CBLB: variants seen among roughly 807,000 people sequenced by gnomAD.
The protein encoded by CBLB is E3 ubiquitin-protein ligase CBL-B.
In CBLB, 31 loss-of-function variants were observed where a neutral mutation model predicts 104.9. That is an observed-to-expected ratio of 0.30 (90% CI 0.22 to 0.40). The LOEUF is 0.40. Among genes scored for constraint, CBLB ranks in the 10% least tolerant of loss-of-function variants. The pLI is 1.00. For synonymous variants in CBLB, 440 were observed against 422.6 expected (o/e 1.04, Z -0.51); for missense variants, 1,062 against 1,214.6 (o/e 0.87, Z 1.87).
intron 3 of CBLB, among the ~76,000 whole-genome samples, chr3:105,847,426 A>ACC (rs2090402088): frequency 6.6e-6 from 1 of 150,762 alleles, no homozygotes; most frequent in African/African-American, 2.4e-5. Flanking sequence ...ACACACACAC[A>ACC]CACCCCATTT....
chr3:105,699,284 G>A (rs2068784458), intron 12 of CBLB, among the ~76,000 whole-genome samples: 1 of 152,046 alleles, frequency 6.6e-6, no homozygotes, highest in African/African-American at 2.4e-5. Flanking sequence ...AATGCCAAGT[G>A]TTACAACTTA....
intron 3 of CBLB, among the ~76,000 whole-genome samples, chr3:105,789,731 T>C (rs1394068341): frequency 3.9e-5 from 6 of 152,196 alleles, no homozygotes; most frequent in Non-Finnish European, 7.4e-5. Context: ...ATTTAAATTA[T>C]GTGTTTTCTG....
At chr3:105,777,417 G>T (rs2079612201) in intron 3 of CBLB, among the ~76,000 whole-genome samples, 1 of 152,134 alleles carries the variant, frequency 6.6e-6, no homozygotes, top group Non-Finnish European at 1.5e-5. Context: ...TGGCCAAATG[G>T]CTAGAGCCCA....
intron 3 of CBLB, among the ~76,000 whole-genome samples, chr3:105,817,572 T>TA (rs1399450416): frequency 2.0e-5 from 3 of 152,112 alleles, no homozygotes; most frequent in South Asian, 2.1e-4. Flanking sequence ...GTGAATATTC[T>TA]AAAAAACTAT....
At chr3:105,869,187 G>A (rs1189814110), upstream of CBLB, 6 of 622,958 alleles carry the variant, frequency 9.6e-6, no homozygotes, top group African/African-American at 9.4e-5. Flanking sequence ...GTCCTCCACA[G>A]TACACAATGG....
rs558893479 is a variant in CBLB, at chr3:105,658,110, C to A, written c.*860G>T. The A allele has an allele frequency of 3.7e-5, 8 of 216,850 alleles. No homozygotes were observed. In the South Asian group the frequency reaches 1.5e-3, roughly 40 times the overall value. The allele number at this position is 216,850 out of a possible 1,614,324, so 13.4% of individuals were successfully genotyped here. A position where few individuals can be genotyped will look rare whatever the true frequency, so the allele number is the denominator to read the frequency against. On this transcript the variant is annotated 3_prime_UTR_variant, in exon 19 of 19. Transcript: ENST00000394030. ...GGGACCTTGTTATATAACTTCAGTA[C>A]AGCATTGTCTTATACAAGTGTTCTC... is the stretch of plus-strand genomic sequence containing the variant.
chr3:105,803,351 C>A (rs927817788), intron 3 of CBLB, among the ~76,000 whole-genome samples: 5 of 152,080 alleles, frequency 3.3e-5, no homozygotes, highest in Non-Finnish European at 1.5e-5. Context: ...CTTTGTATGG[C>A]GGCTTGCATG....
intron 14 of CBLB, among the ~76,000 whole-genome samples, chr3:105,682,702 C>T (rs2066466879): frequency 6.6e-6 from 1 of 151,946 alleles, no homozygotes; most frequent in Non-Finnish European, 1.5e-5. Flanking sequence ...AGGGTTTTGC[C>T]ATGTTGCCCA....
At chr3:105,862,117 T>C (rs1007256062) in intron 2 of CBLB, among the ~76,000 whole-genome samples, 5 of 152,216 alleles carry the variant, frequency 3.3e-5, no homozygotes, top group Non-Finnish European at 5.9e-5. Flanking sequence ...AATTCAATTA[T>C]CTGACTTTTT....
intron 4 of CBLB, among the ~76,000 whole-genome samples, chr3:105,761,129 C>T (rs1430685988): frequency 2.6e-5 from 4 of 152,146 alleles, no homozygotes; most frequent in Admixed American, 1.3e-4. Context: ...ACCTCCCAGG[C>T]TCAAGTGATT....
chr3:105,790,028 T>C (rs1049879725), intron 3 of CBLB, among the ~76,000 whole-genome samples: 7 of 152,212 alleles, frequency 4.6e-5, no homozygotes, highest in African/African-American at 1.7e-4. Context: ...GAAATGGTTA[T>C]TCAATAGATG....
At chr3:105,811,794 C>G (rs2084344641) in intron 3 of CBLB, among the ~76,000 whole-genome samples, 1 of 152,124 alleles carries the variant, frequency 6.6e-6, no homozygotes, top group Non-Finnish European at 1.5e-5. Flanking sequence ...ACAGCAACCT[C>G]CACCTCCCAG....
intron 13 of CBLB, among the ~76,000 whole-genome samples, chr3:105,692,809 G>A (rs188796304): frequency 6.6e-6 from 1 of 150,602 alleles, no homozygotes; most frequent in African/African-American, 2.4e-5. Flanking sequence ...CATATAAAGA[G>A]CAGGAAAATT....
chr3:105,842,291 C>A (rs2089661155), intron 3 of CBLB, among the ~76,000 whole-genome samples: 1 of 152,182 alleles, frequency 6.6e-6, no homozygotes, highest in Non-Finnish European at 1.5e-5. Flanking sequence ...ACCAAATATT[C>A]TCCTGTCTTC....
At chr3:105,799,257 T>A in intron 3 of CBLB, among the ~76,000 whole-genome samples, 1 of 141,246 alleles carries the variant, frequency 7.1e-6, no homozygotes, top group Non-Finnish European at 1.6e-5. Flanking sequence ...ATTATCAAAA[T>A]AAAAAAGCAA....
rs565495352 is a variant in CBLB, at chr3:105,848,511, C to T, written c.419+4903G>A. ...ATTCGGGCTACTCATTCATCATTAA[C>T]AATCAACTAAAATTTTAAAAAGCAA... is the stretch of plus-strand genomic sequence containing the variant. On this transcript the variant is annotated intron_variant, in intron 3 of 18. Coordinates refer to ENST00000394030, the MANE Select transcript of CBLB (RefSeq NM_170662.5). Among the ~76,000 whole-genome samples the T allele has an allele frequency of 2.0e-5, 3 of 152,124 alleles. No individual in the cohort carries two copies. The South Asian group carries it at 6.2e-4, about 32-fold the overall frequency.
intron 4 of CBLB, among the ~76,000 whole-genome samples, chr3:105,767,958 T>C (rs1255646782): frequency 6.6e-6 from 1 of 152,124 alleles, no homozygotes; most frequent in Non-Finnish European, 1.5e-5. Context: ...TCCCAATCAA[T>C]CAAGCAAGCA....
chr3:105,810,174 A>T (rs931355210), intron 3 of CBLB, among the ~76,000 whole-genome samples: 9 of 152,166 alleles, frequency 5.9e-5, no homozygotes, highest in Non-Finnish European at 1.2e-4. Flanking sequence ...TTTAAAAATC[A>T]ATTGGGCTGG....
In CBLB at chr3:105,681,532, C is replaced by A. The variant is rs1439815106; in HGVS notation, c.2375G>T (p.Gly792Val). 1 of 1,614,070 alleles carries A rather than the reference C, an allele frequency of 6.2e-7. No homozygotes were observed. Among genetic ancestry groups the A allele is most frequent in the Non-Finnish European group, 8.5e-7 (1 of 1,179,968 alleles). Residue 792 changes from glycine to valine, a missense_variant, in exon 16 of 19, where the codon GGT (glycine) becomes GTT (valine). By Grantham distance (109) the Gly-to-Val change is moderately radical. This residue lies in a region of CBLB where 605 missense variants were observed against 582.6 expected (regional missense o/e 1.04). Transcript: ENST00000394030. ...RPPTRDNPKH[G>V]SSLNRTPSDY... The stretch of plus-strand genomic sequence containing the variant: ...AGAGGGCGTCCTGTTGAGTGAAGAA[C>A]CATGCTTTGGATTGTCCCGAGTTGG...
Sources: gnomAD v4.1 joint callset for allele counts (sites outside exome capture counted in the v4.1 genomes callset) on GRCh38, gnomAD v4.1.1 for gene constraint, gnomAD v4.1.1 regional missense constraint, MANE v1.5 for transcripts, NCBI Gene and HGNC (gene_info 2026-07-23, HGNC 2026-07-21) for gene names.